Variants in EPYC observed in about 807,000 individuals in gnomAD.
EPYC encodes the protein dermatan sulfate proteoglycan 3.
A neutral mutation model predicts 30.1 loss-of-function variants in EPYC; 28 were observed. The ratio of observed to expected loss-of-function variants is 0.93; its 90% CI spans 0.69 to 1.28. The LOEUF (loss-of-function observed/expected upper bound fraction) is 1.28. Among genes scored for constraint, EPYC ranks in the 50% most tolerant of loss-of-function variants. The pLI is 0.00. For synonymous variants in EPYC, 144 were observed against 141.4 expected (o/e 1.02, Z -0.13); for missense variants, 382 against 383.5 (o/e 1.00, Z 0.03).
intron 2 of EPYC, among the ~76,000 whole-genome samples, chr12:90,988,406 G>A (rs1252517370): frequency 1.3e-5 from 2 of 152,074 alleles, no homozygotes; most frequent in Non-Finnish European, 2.9e-5. Flanking sequence ...TGTTATTATG[G>A]TCAGGACTGT....
Position 90,978,145 on chromosome 12 carries a change from C to T in EPYC, c.283G>A (p.Gly95Ser). The T allele has an allele frequency of 6.2e-7, 1 of 1,605,360 alleles. No homozygotes were observed. Among genetic ancestry groups the T allele is most frequent in the Non-Finnish European group, 8.5e-7 (1 of 1,176,416 alleles). Residue 95 changes from glycine (G) to serine (S), a missense_variant, in exon 3 of 7, where the codon GGC (glycine) becomes AGC (serine). Transcript: ENST00000261172. The part of the protein sequence containing the change: ...EEESTPRLID[G>S]SSPQEPEFTG... ...AATTCAGGCTCCTGGGGAGAAGAGC[C>T]ATCAATCAGCCTGGGAGTAGATTCC...
At chr12:90,978,312 C>T (rs1877242832) in intron 2 of EPYC, 50 bp from the exon 3 acceptor site, 1 of 1,536,420 alleles carries the variant, frequency 6.5e-7, no homozygotes, top group African/African-American at 1.4e-5. Context: ...TTCTCAGTCA[C>T]TCTGTGTGGC....
chr12:90,980,923 G>C (rs935255302), intron 2 of EPYC, among the ~76,000 whole-genome samples: 2 of 152,102 alleles, frequency 1.3e-5, no homozygotes, highest in Admixed American at 6.6e-5. Context: ...GTATGACTTT[G>C]ATTTCAGTCA....
At chr12:90,983,848 G>T (rs1877382868) in intron 2 of EPYC, among the ~76,000 whole-genome samples, 1 of 151,896 alleles carries the variant, frequency 6.6e-6, no homozygotes, top group South Asian at 2.1e-4. Flanking sequence ...CTTTCTTTAG[G>T]CACCCAGGCT....
intron 3 of EPYC, among the ~76,000 whole-genome samples, chr12:90,974,157 G>A (rs1436344781): frequency 6.6e-6 from 1 of 151,854 alleles, no homozygotes; most frequent in African/African-American, 2.4e-5. Flanking sequence ...GAGAATTAAT[G>A]ATCAGAGGAA....
intron 2 of EPYC, among the ~76,000 whole-genome samples, chr12:90,992,053 G>A (rs544988020): frequency 2.4e-4 from 36 of 152,246 alleles, no homozygotes; most frequent in African/African-American, 7.2e-4. Context: ...TTTCTGGCAC[G>A]AGGGACTGGT....
At chr12:90,986,802 C>T (rs559327483) in intron 2 of EPYC, among the ~76,000 whole-genome samples, 1 of 152,090 alleles carries the variant, frequency 6.6e-6, no homozygotes, top group Admixed American at 6.6e-5. Context: ...TTTAAGTAAC[C>T]AAAATTTGGG....
intron 2 of EPYC, among the ~76,000 whole-genome samples, chr12:90,981,745 A>G (rs1201383754): frequency 1.3e-5 from 2 of 152,162 alleles, no homozygotes; most frequent in African/African-American, 4.8e-5. Flanking sequence ...GAGTCCTTTT[A>G]GTACATATTT....
At chr12:91,003,175 A>G (rs1877871802) in intron 1 of EPYC, among the ~76,000 whole-genome samples, 1 of 152,154 alleles carries the variant, frequency 6.6e-6, no homozygotes, top group African/African-American at 2.4e-5. Context: ...AGAACAAAGT[A>G]ACAAAGTTTT....
At chr12:91,001,624 A>T (rs557544190) in intron 2 of EPYC, among the ~76,000 whole-genome samples, 20 of 152,220 alleles carry the variant, frequency 1.3e-4, no homozygotes, top group South Asian at 2.1e-4. Context: ...CGGAGAGACA[A>T]TCAGTTATTT....
chr12:90,978,731 T>G (rs1877255997), intron 2 of EPYC, among the ~76,000 whole-genome samples: 1 of 152,128 alleles, frequency 6.6e-6, no homozygotes, highest in Non-Finnish European at 1.5e-5. Context: ...CATATTATCT[T>G]GTCCTTTCAA....
At chr12:90,997,657 T>G (rs757408462) in intron 2 of EPYC, among the ~76,000 whole-genome samples, 1 of 152,028 alleles carries the variant, frequency 6.6e-6, no homozygotes, top group Non-Finnish European at 1.5e-5. Context: ...CATGGAAAAA[T>G]GTTTTCCTAG....
intron 6 of EPYC, among the ~76,000 whole-genome samples, chr12:90,967,019 A>G (rs10859084): frequency 0.72 from 108,856 of 151,288 alleles, 41,062 homozygotes; most frequent in Non-Finnish European, 0.83. Context: ...CCTAGGTCAC[A>G]TCAGCTAAAA....
intron 1 of EPYC, among the ~76,000 whole-genome samples, chr12:91,004,209 A>G (rs1452555229): frequency 6.6e-6 from 1 of 152,104 alleles, no homozygotes; most frequent in Non-Finnish European, 1.5e-5. Flanking sequence ...CCATTATTCA[A>G]AGAAATTATA....
intron 2 of EPYC, among the ~76,000 whole-genome samples, chr12:90,993,824 T>G (rs2120858260): frequency 6.6e-6 from 1 of 152,132 alleles, no homozygotes; most frequent in African/African-American, 2.4e-5. Context: ...TTAATTTGTG[T>G]GCATATTATA....
At chr12:90,968,268 C>T (rs562256686) in intron 6 of EPYC, among the ~76,000 whole-genome samples, 1 of 152,224 alleles carries the variant, frequency 6.6e-6, no homozygotes, top group African/African-American at 2.4e-5. Context: ...AAGTATTTAT[C>T]ATATATCAGT....
chr12:90,984,091 A>G (rs925586439), intron 2 of EPYC, among the ~76,000 whole-genome samples: 1 of 152,026 alleles, frequency 6.6e-6, no homozygotes, highest in African/African-American at 2.4e-5. Context: ...ATGGCCCTCC[A>G]CTTCATTTTT....
chr12:90,996,021 T>G (rs1877686198), intron 2 of EPYC, among the ~76,000 whole-genome samples: 3 of 151,914 alleles, frequency 2.0e-5, no homozygotes, highest in Admixed American at 1.3e-4. Context: ...GCAAACCATA[T>G]GTATGAAACT....
At chr12:90,993,523 G>T (rs1877632061) in intron 2 of EPYC, among the ~76,000 whole-genome samples, 1 of 152,014 alleles carries the variant, frequency 6.6e-6, no homozygotes, top group African/African-American at 2.4e-5. Flanking sequence ...TAGCATTACT[G>T]CCCAGAAAAC....
Sources: gnomAD v4.1 joint callset for allele counts (sites outside exome capture counted in the v4.1 genomes callset) on GRCh38, gnomAD v4.1.1 for gene constraint, MANE v1.5 for transcripts, NCBI Gene and HGNC (gene_info 2026-07-23, HGNC 2026-07-21) for gene names.